Variants in PTH2R observed in about 807,000 individuals in gnomAD.
PTH2R encodes parathyroid hormone 2 receptor.
In PTH2R, 59 loss-of-function variants were observed where a neutral mutation model predicts 60.3. That is an observed-to-expected ratio of 0.98 (90% CI 0.79 to 1.22). The LOEUF (loss-of-function observed/expected upper bound fraction) is 1.22. Ranked by LOEUF, PTH2R falls within the 50% of genes most tolerant of loss-of-function variation. The pLI is 0.00. For synonymous variants in PTH2R, 256 were observed against 243.8 expected, an observed-to-expected ratio of 1.05 and a Z score of -0.47; for missense variants, 749 against 682.6, an observed-to-expected ratio of 1.10 and a Z score of -1.08.
chr2:208,489,640 C>T (rs1247869089), intron 11 of PTH2R, among the ~76,000 whole-genome samples: 1 of 152,132 alleles, frequency 6.6e-6, no homozygotes, highest in Non-Finnish European at 1.5e-5. Flanking sequence ...TGCTAGTCCA[C>T]ATATGATAGT....
intron 1 of PTH2R, among the ~76,000 whole-genome samples, chr2:208,420,147 A>C (rs982204641): frequency 6.9e-6 from 1 of 145,302 alleles, no homozygotes; most frequent in Non-Finnish European, 1.5e-5. Context: ...GGGTGGGGGG[A>C]GTGGGGAGGG....
chr2:208,377,289 A>C (rs1244789574), intron 1 of PTH2R, among the ~76,000 whole-genome samples: 3 of 152,136 alleles, frequency 2.0e-5, no homozygotes, highest in Non-Finnish European at 4.4e-5. Context: ...CAGACACAGC[A>C]ACAATCTGAT....
chr2:208,402,716 A>G (rs1701332697), upstream of PTH2R, among the ~76,000 whole-genome samples: 1 of 152,176 alleles, frequency 6.6e-6, no homozygotes, highest in Admixed American at 6.5e-5. Flanking sequence ...AATTGCTCAT[A>G]GATATGTCAT....
intron 5 of PTH2R, among the ~76,000 whole-genome samples, 178 bp downstream of exon 5, chr2:208,442,639 G>T (rs1329223387): frequency 6.6e-6 from 1 of 152,084 alleles, no homozygotes; most frequent in Non-Finnish European, 1.5e-5. Context: ...AGGGTTCTTT[G>T]TTTAAAAACT....
intron 1 of PTH2R, among the ~76,000 whole-genome samples, chr2:208,372,185 T>C (rs2125870808): frequency 6.6e-6 from 1 of 152,232 alleles, no homozygotes; most frequent in Non-Finnish European, 1.5e-5. Flanking sequence ...CCTCCCAAGG[T>C]GCTGGGATTA....
intron 1 of PTH2R, among the ~76,000 whole-genome samples, chr2:208,368,108 G>A (rs1377206756): frequency 1.3e-5 from 2 of 152,114 alleles, no homozygotes; most frequent in African/African-American, 2.4e-5. Context: ...ACCTTTATAT[G>A]CTGTCCTCTT....
chr2:208,366,480 T>C (rs1339836972), intron 1 of PTH2R, among the ~76,000 whole-genome samples: 1 of 152,192 alleles, frequency 6.6e-6, no homozygotes, highest in Admixed American at 6.5e-5. Context: ...TACCCTTGTC[T>C]TGCTAGTAAA....
intron 1 of PTH2R, among the ~76,000 whole-genome samples, chr2:208,382,084 A>G (rs1435742643): frequency 6.6e-6 from 1 of 152,122 alleles, no homozygotes; most frequent in East Asian, 1.9e-4. Flanking sequence ...GCTTCTTCCA[A>G]TTAGCATAAT....
At chr2:208,487,878 C>A (rs2105910732) in intron 10 of PTH2R, among the ~76,000 whole-genome samples, 1 of 152,294 alleles carries the variant, frequency 6.6e-6, no homozygotes, top group South Asian at 2.1e-4. Flanking sequence ...TTCATCGAAC[C>A]AAGCAAGAGA....
chr2:208,402,294 C>T (rs943277493), upstream of PTH2R, among the ~76,000 whole-genome samples: 7 of 152,162 alleles, frequency 4.6e-5, no homozygotes, highest in Non-Finnish European at 1.0e-4. Context: ...ATCAGTCCCT[C>T]CCTCTGCAGC....
At chr2:208,453,523 A>C (rs1474187198) in intron 8 of PTH2R, among the ~76,000 whole-genome samples, 1 of 152,188 alleles carries the variant, frequency 6.6e-6, no homozygotes, top group African/African-American at 2.4e-5. Context: ...CATTTTTCCA[A>C]CAAACCATGA....
At chr2:208,423,946 G>A (rs755367455) in intron 1 of PTH2R, among the ~76,000 whole-genome samples, 16 of 152,278 alleles carry the variant, frequency 1.1e-4, no homozygotes, top group African/African-American at 2.2e-4. Context: ...AGAAGTAGAA[G>A]TTTTGGTTCC....
At chr2:208,384,144 G>A (rs1700965063) in intron 1 of PTH2R, among the ~76,000 whole-genome samples, 1 of 152,206 alleles carries the variant, frequency 6.6e-6, no homozygotes, top group Admixed American at 6.5e-5. Context: ...CAGAAAACAA[G>A]TGCAATAGCA....
At chr2:208,453,133 TTTACCTCAGAGAGGTAAAAC>T (rs1702440718) in intron 8 of PTH2R, among the ~76,000 whole-genome samples, 1 of 152,198 alleles carries the variant, frequency 6.6e-6, no homozygotes, top group Non-Finnish European at 1.5e-5. Flanking sequence ...CTTTTGTCTT[TTTACCTCAGAGAGGTAAAAC>T]TTCTAGTTCT....
chr2:208,448,152 A>G lies in PTH2R; in HGVS notation c.854-2597A>G, dbSNP rs537696011. On this transcript the variant is annotated intron_variant, in intron 7 of 12. Coordinates refer to ENST00000272847, the MANE Select transcript of PTH2R (RefSeq NM_005048.4). Reference sequence around the variant, plus strand: ...ACTCCCATTTTATTCCCTTTGTAAAATATCTTAATCCAGCAAACATTTTTT... The same window carrying G: ...ACTCCCATTTTATTCCCTTTGTAAAGTATCTTAATCCAGCAAACATTTTTT... Among the ~76,000 whole-genome samples the G allele has an allele frequency of 7.2e-5, 11 of 152,294 alleles. No homozygotes were observed. In the South Asian group the frequency reaches 2.3e-3, roughly 32 times the overall value.
intron 1 of PTH2R, among the ~76,000 whole-genome samples, chr2:208,379,850 ACT>A (rs1208614511): frequency 6.7e-6 from 1 of 150,076 alleles, no homozygotes; most frequent in Non-Finnish European, 1.5e-5. Context: ...ACACAGTGAG[ACT>A]CTGTCTTGAA....
At chr2:208,365,931 T>TAA (rs1257005237) in intron 1 of PTH2R, among the ~76,000 whole-genome samples, 1 of 6,298 alleles carries the variant, frequency 1.6e-4, no homozygotes, top group Admixed American at 2.3e-3. Flanking sequence ...AATAGATAAA[T>TAA]ATATATATAT....
In PTH2R at chr2:208,378,242, G is replaced by GCA. The variant is rs1406058839; in HGVS notation, c.-259+18006_-259+18007insAC. On this transcript the variant is annotated intron_variant, in intron 1 of 12. Coordinates refer to the PTH2R transcript ENST00000617735. ...ACGAAAACCAGTCAGGCGTGGCGGC[G>GCA]CGCACCTGCAATCCCAGGCACTCGG... Among the ~76,000 whole-genome samples, 596 of 150,290 alleles carry GCA rather than the reference G, an allele frequency of 4.0e-3. 15 individuals carry two copies. Among genetic ancestry groups the GCA allele is most frequent in the Admixed American group, 0.028 (424 of 15,118 alleles).
intron 9 of PTH2R, among the ~76,000 whole-genome samples, chr2:208,478,379 C>T (rs1045170764): frequency 6.6e-6 from 1 of 152,080 alleles, no homozygotes; most frequent in Non-Finnish European, 1.5e-5. Flanking sequence ...GAGTCCTTAT[C>T]CTTTTCAGCT....
Sources: allele counts gnomAD v4.1 joint callset (sites outside exome capture counted in the v4.1 genomes callset), GRCh38; gene constraint gnomAD v4.1.1; transcripts MANE v1.5; gene names NCBI Gene and HGNC (gene_info 2026-07-23, HGNC 2026-07-21).